SLAIN1: variants seen among roughly 807,000 people sequenced by gnomAD.
SLAIN1 encodes the protein SLAIN family member 1.
In SLAIN1, 17 loss-of-function variants were observed where a neutral mutation model predicts 55.4. The ratio of observed to expected loss-of-function variants is 0.31; its 90% CI spans 0.21 to 0.46. The LOEUF (loss-of-function observed/expected upper bound fraction) is 0.46, where lower values mean the gene tolerates loss of function less well. Ranked by LOEUF, SLAIN1 falls within the 20% of genes least tolerant of loss-of-function variation. The pLI, the probability that SLAIN1 is intolerant of heterozygous loss-of-function variation, is 1.00. For missense variants in SLAIN1, 682 were observed against 785.1 expected, an observed-to-expected ratio of 0.87 and a Z score of 1.57; for synonymous variants, 348 against 337.4, an observed-to-expected ratio of 1.03 and a Z score of -0.35.
intron 2 of SLAIN1, chr13:77,741,196 TAAC>T: frequency 2.0e-6 from 2 of 985,630 alleles, no homozygotes; most frequent in Non-Finnish European, 2.4e-6. Context: ...TGGTATAAAA[TAAC>T]ATCATCTGTT....
chr13:77,758,997 T>G (rs1353586957), intron 5 of SLAIN1, among the ~76,000 whole-genome samples: 1 of 152,158 alleles, frequency 6.6e-6, no homozygotes, highest in African/African-American at 2.4e-5. Flanking sequence ...TTGATAGAAT[T>G]GCATTGAATC....
chr13:77,742,783 T>C (rs1873531881), intron 2 of SLAIN1: 1 of 157,554 alleles, frequency 6.3e-6, no homozygotes, highest in Non-Finnish European at 1.4e-5. Context: ...TTGGCTTTAA[T>C]CAAAGTAAGA....
At position 77,698,918 on chromosome 13, in the gene SLAIN1, C is replaced by T. The variant is rs187841996; in HGVS notation, c.626+379C>T. 4.0e-5 allele frequency: 62 copies of T among 1,533,436 alleles called. No homozygotes were observed. Among genetic ancestry groups the T allele is most frequent in the Admixed American group, 3.7e-4 (19 of 50,960 alleles). 95.0% of individuals were successfully genotyped at this position (1,533,436 alleles called of 1,614,324 possible). On this transcript the variant is annotated intron_variant, in intron 1 of 6. Coordinates refer to ENST00000418532, the MANE Select transcript of SLAIN1 (RefSeq NM_001242868.2). This position sits in a 1 kb window ranked among gnomAD's most constrained non-coding sequence, Gnocchi z 4.1. ...TTCCCCAGTGTTTTCGGAGGGATGA[C>T]GGGGGATGGTAGGGGTTGGCCTCTG...
At chr13:77,714,448 CA>C (rs1339066187) in intron 1 of SLAIN1, among the ~76,000 whole-genome samples, 1 of 152,008 alleles carries the variant, frequency 6.6e-6, no homozygotes, top group East Asian at 1.9e-4. Flanking sequence ...CACATCTCTA[CA>C]AAAAAACTTA....
Position 77,746,227 on chromosome 13 carries a change from G to C in SLAIN1, c.917-287G>C, listed in dbSNP as rs190811956. ...TCTAAAATATCTCTTGATTTGAAAA[G>C]GGGAAATTGATAGATATTAACGAAT... On this transcript the variant is annotated intron_variant, in intron 3 of 6. Transcript: ENST00000418532. Among the ~76,000 whole-genome samples the C allele has an allele frequency of 8.3e-4, 127 of 152,194 alleles. 1 individual carries two copies. Among genetic ancestry groups the C allele is most frequent in the East Asian group, 3.9e-4 (2 of 5,170 alleles).
At chr13:77,747,092 ATTTATTT>A (rs952337808) in intron 4 of SLAIN1, among the ~76,000 whole-genome samples, 28 of 151,944 alleles carry the variant, frequency 1.8e-4, no homozygotes, top group East Asian at 7.7e-4. Flanking sequence ...TGCCTGGCTA[ATTTATTT>A]TTTATTTTTT....
At chr13:77,718,337 A>G (rs1396861310) in intron 1 of SLAIN1, among the ~76,000 whole-genome samples, 1 of 152,152 alleles carries the variant, frequency 6.6e-6, no homozygotes, top group Non-Finnish European at 1.5e-5. Context: ...GAACACAGCC[A>G]CGTTTATTCG....
chr13:77,737,466 G>T (rs904326010), intron 2 of SLAIN1, among the ~76,000 whole-genome samples: 1 of 151,972 alleles, frequency 6.6e-6, no homozygotes, highest in Non-Finnish European at 1.5e-5. Context: ...GTTCATTAAA[G>T]TATAAACTGT....
chr13:77,709,667 G>A (rs895425500), intron 1 of SLAIN1, among the ~76,000 whole-genome samples: 10 of 152,194 alleles, frequency 6.6e-5, no homozygotes, highest in African/African-American at 2.2e-4. Flanking sequence ...CTTCAAAAGC[G>A]AAGGAAAAAT....
chr13:77,714,475 T>A (rs1032346539), intron 1 of SLAIN1, among the ~76,000 whole-genome samples: 6 of 152,022 alleles, frequency 3.9e-5, no homozygotes, highest in Non-Finnish European at 5.9e-5. Flanking sequence ...TAGCTGGGTG[T>A]GGTGGTGCAT....
At chr13:77,711,778 A>G (rs1594255585) in intron 1 of SLAIN1, among the ~76,000 whole-genome samples, 1 of 152,198 alleles carries the variant, frequency 6.6e-6, no homozygotes, top group East Asian at 1.9e-4. Context: ...AATAAAAAAG[A>G]AAATTTCAGC....
intron 2 of SLAIN1, among the ~76,000 whole-genome samples, chr13:77,735,630 A>T (rs1594276749): frequency 1.3e-5 from 2 of 152,168 alleles, no homozygotes. Flanking sequence ...TTCTCAGTGT[A>T]TATAAATTAA....
In SLAIN1 at chr13:77,698,319, C is replaced by T; in HGVS notation, c.406C>T (p.Leu136Phe). Residue 136 changes from leucine (L) to phenylalanine (F), a missense_variant, in exon 1 of 7, where the codon CTT (leucine) becomes TTT (phenylalanine). Around this residue, in one of 3 missense-constraint regions of SLAIN1, gnomAD observed 401 missense variants for 417.3 expected, o/e 0.96. Transcript: ENST00000418532. The surrounding 1 kb of genome is among the most constrained non-coding windows in gnomAD (Gnocchi z 4.1). ...CCTGCCTAGCCCCGCGCCCTCCCTG[C>T]TTTGCAGCCTGGCGCAGCCACCCGA... ...FCLPSPAPSLLCSLAQPPEAP... is the reference protein window; with the variant it reads ...FCLPSPAPSLFCSLAQPPEAP... The T allele has an allele frequency of 6.9e-7, 1 of 1,448,534 alleles. No individual in the cohort carries two copies. Among genetic ancestry groups the T allele is most frequent in the Non-Finnish European group, 9.1e-7 (1 of 1,102,802 alleles). The allele number at this position is 1,448,534 out of a possible 1,614,324, so 89.7% of individuals were successfully genotyped here. A position where few individuals can be genotyped will look rare whatever the true frequency, so the allele number is the denominator to read the frequency against.
At position 77,746,568 on chromosome 13, in the gene SLAIN1, G is replaced by A. The variant is rs766791040; in HGVS notation, c.971G>A (p.Ser324Asn). 14 of 1,613,210 alleles carry A rather than the reference G, an allele frequency of 8.7e-6. No homozygotes were observed. The highest frequency in any genetic ancestry group is 1.2e-5 in the Non-Finnish European group (14 of 1,179,546). Residue 324 changes from serine to asparagine, a missense_variant, in exon 4 of 7, where the codon AGT (serine) becomes AAT (asparagine). Ser to Asn is a conservative substitution (Grantham distance 46, BLOSUM62 1). This residue lies in a region of SLAIN1 where 37 missense variants were observed against 72.6 expected (regional missense o/e 0.51). Coordinates refer to ENST00000418532, the MANE Select transcript of SLAIN1 (RefSeq NM_001242868.2). The stretch of plus-strand genomic sequence containing the variant: ...GCATCTGTATCAAGACATAGTTCCA[G>A]TGTGTCATTGAGTTCAGGAAAAAAA... ...TSASVSRHSS[S>N]VSLSSGKKGT...
At chr13:77,727,777 C>G (rs564704415) in intron 2 of SLAIN1, among the ~76,000 whole-genome samples, 81 of 152,260 alleles carry the variant, frequency 5.3e-4, no homozygotes, top group Non-Finnish European at 1.1e-3. Context: ...TAAGTGGGGA[C>G]ATTTAGCAGA....
At chr13:77,710,022 T>C (rs183858120) in intron 1 of SLAIN1, among the ~76,000 whole-genome samples, 1 of 152,234 alleles carries the variant, frequency 6.6e-6, no homozygotes, top group African/African-American at 2.4e-5. Flanking sequence ...TCTGCCAGGC[T>C]CAGCCTCCCA....
At chr13:77,699,661 A>G (rs1271195018) in intron 1 of SLAIN1, among the ~76,000 whole-genome samples, 1 of 152,178 alleles carries the variant, frequency 6.6e-6, no homozygotes, top group Non-Finnish European at 1.5e-5. Context: ...CTCTAACTGT[A>G]AAGTACATTA....
At chr13:77,739,115 C>T (rs982469531) in intron 2 of SLAIN1, among the ~76,000 whole-genome samples, 6 of 151,586 alleles carry the variant, frequency 4.0e-5, no homozygotes, top group African/African-American at 7.3e-5. Context: ...AGTTGGAAAC[C>T]GGAAGATTGA....
At chr13:77,699,111 T>G in intron 1 of SLAIN1, 1 of 1,472,904 alleles carries the variant, frequency 6.8e-7, no homozygotes, top group Non-Finnish European at 9.1e-7. Context: ...CGTTGCATTT[T>G]CATTGAAATC....
Sources: allele counts gnomAD v4.1 joint callset (sites outside exome capture counted in the v4.1 genomes callset), GRCh38; gene constraint gnomAD v4.1.1; regional missense constraint gnomAD v4.1.1; non-coding constraint Gnocchi (gnomAD v3.1); transcripts MANE v1.5; gene names NCBI Gene and HGNC (gene_info 2026-07-23, HGNC 2026-07-21).